The following RELL1 variants were observed in gnomAD, a reference collection of about 807,000 sequenced individuals.
The protein encoded by RELL1 is RELT like 1, also known as RELT-like protein 1.
A neutral mutation model predicts 23.0 loss-of-function variants in RELL1; 10 were observed. That is an observed-to-expected ratio of 0.43 (90% CI 0.27 to 0.74). The LOEUF is 0.74. Among genes scored for constraint, RELL1 ranks in the 30% least tolerant of loss-of-function variants. RELL1 has a pLI of 0.19. For synonymous variants in RELL1, 146 were observed against 146.8 expected (o/e 0.99, Z 0.04); for missense variants, 315 against 364.4 (o/e 0.86, Z 1.10).
intron 6 of RELL1, among the ~76,000 whole-genome samples, chr4:37,592,185 G>C (rs1718644277): frequency 6.8e-6 from 1 of 148,066 alleles, no homozygotes; most frequent in Non-Finnish European, 1.5e-5. Context: ...CTCCAGCCTG[G>C]GTGACAGTGC....
At chr4:37,643,949 A>G (rs1236744874) in intron 3 of RELL1, among the ~76,000 whole-genome samples, 2 of 152,224 alleles carry the variant, frequency 1.3e-5, no homozygotes, top group Admixed American at 6.5e-5. Flanking sequence ...GATTGGAGTC[A>G]CCAGCTGTCC....
chr4:37,652,868 C>A lies in RELL1; in HGVS notation c.89-3368G>T, dbSNP rs575735176. Among the ~76,000 whole-genome samples the A allele has an allele frequency of 3.0e-3, 453 of 152,232 alleles. 1 individual carries two copies. The highest frequency in any genetic ancestry group is 4.5e-3 in the Non-Finnish European group (306 of 68,002). On this transcript the variant is annotated intron_variant, in intron 1 of 6. Transcript: ENST00000454158. ...TAAATTACAGGGAGAGGCAATATAG[C>A]ACTCAGATTAAAAGCTCAGACCTGG... is the stretch of plus-strand genomic sequence containing the variant.
chr4:37,605,846 G>GAAA (rs1560324808), downstream of RELL1, among the ~76,000 whole-genome samples: 6 of 101,512 alleles, frequency 5.9e-5, no homozygotes, highest in East Asian at 7.5e-4. Flanking sequence ...AAAGAAAGAA[G>GAAA]GAAAAGAAAA....
chr4:37,653,786 C>T (rs1022311948), intron 1 of RELL1, among the ~76,000 whole-genome samples: 4 of 152,178 alleles, frequency 2.6e-5, no homozygotes, highest in East Asian at 3.9e-4. Flanking sequence ...TTTCTTGGGG[C>T]ACTTGCTCTT....
intron 3 of RELL1, among the ~76,000 whole-genome samples, chr4:37,639,770 A>G (rs1720461219): frequency 6.6e-6 from 1 of 152,266 alleles, no homozygotes; most frequent in Admixed American, 6.5e-5. Flanking sequence ...TCTAGAGAGG[A>G]AAGAACAAAT....
intron 4 of RELL1, among the ~76,000 whole-genome samples, chr4:37,635,804 C>G (rs561316039): frequency 6.6e-6 from 1 of 152,190 alleles, no homozygotes; most frequent in Non-Finnish European, 1.5e-5. Context: ...GCCTATCACT[C>G]TAAGCAAAGA....
chr4:37,606,591 A>T (rs1719229244), downstream of RELL1, among the ~76,000 whole-genome samples: 1 of 152,250 alleles, frequency 6.6e-6, no homozygotes, highest in African/African-American at 2.4e-5. This position sits in a 1 kb window ranked among gnomAD's most constrained non-coding sequence, Gnocchi z 4.1. Flanking sequence ...AAGACACAGA[A>T]TGCCAGAATT....
chr4:37,600,269 CAAA>C (rs33929317), intron 6 of RELL1, among the ~76,000 whole-genome samples: 9 of 111,396 alleles, frequency 8.1e-5, no homozygotes, highest in Admixed American at 1.9e-4. Context: ...GACTCCATCT[CAAA>C]AAAAAAAAAA....
chr4:37,604,243 G>A (rs141876310), intron 6 of RELL1, among the ~76,000 whole-genome samples: 329 of 152,268 alleles, frequency 2.2e-3, no homozygotes, highest in African/African-American at 7.4e-3. Flanking sequence ...ATGAAAGCCA[G>A]TTAGTGACCA....
intron 1 of RELL1, among the ~76,000 whole-genome samples, chr4:37,668,654 G>A (rs1721632808): frequency 6.6e-6 from 1 of 152,066 alleles, no homozygotes; most frequent in South Asian, 2.1e-4. Context: ...TGGGAAGTGA[G>A]GAGCGTCTCT....
intron 6 of RELL1, among the ~76,000 whole-genome samples, chr4:37,619,780 A>G (rs967800483): frequency 3.3e-5 from 5 of 152,148 alleles, no homozygotes; most frequent in Non-Finnish European, 7.3e-5. Context: ...TATGTTGCCC[A>G]GGCTGGTCTC....
intron 1 of RELL1, among the ~76,000 whole-genome samples, chr4:37,665,789 G>T (rs1721511456): frequency 6.6e-6 from 1 of 152,234 alleles, no homozygotes; most frequent in East Asian, 1.9e-4. Flanking sequence ...CTTACAGAGA[G>T]CTGGTGCAGG....
At chr4:37,604,742 G>C (rs1719106555) in intron 6 of RELL1, among the ~76,000 whole-genome samples, 2 of 147,074 alleles carry the variant, frequency 1.4e-5, no homozygotes, top group East Asian at 2.0e-4. Context: ...ACAGAATACT[G>C]TAAGGCTAAA....
At chr4:37,675,771 G>A (rs1267814303) in intron 1 of RELL1, among the ~76,000 whole-genome samples, 1 of 152,152 alleles carries the variant, frequency 6.6e-6, no homozygotes, top group African/African-American at 2.4e-5. Context: ...GAAGAGGAGA[G>A]GGGATTCCAT....
chr4:37,681,402 A>C (rs899557752), intron 1 of RELL1, among the ~76,000 whole-genome samples: 1 of 152,212 alleles, frequency 6.6e-6, no homozygotes. Context: ...ACAAGAGCTC[A>C]GTAAGACAGA....
At position 37,647,383 on chromosome 4, in the gene RELL1, T is replaced by C. The variant is rs771199308; in HGVS notation, c.370A>G (p.Ile124Val). Reference protein sequence around the residue: ...SDTVGQIVHYIMKNEANADVL... With the variant: ...SDTVGQIVHYVMKNEANADVL... The stretch of plus-strand genomic sequence containing the variant: ...ATGTTCACACCTTCATTTTTCATGA[T>C]GTAGTGGACGATTTGCCCAACAGTG... The change falls in exon 3 of 7, where the codon ATC (isoleucine) becomes GTC (valine). Residue 124 changes from isoleucine (I) to valine (V), a missense_variant. Ile to Val is a conservative substitution (Grantham distance 29). Coordinates refer to ENST00000454158, the MANE Select transcript of RELL1 (RefSeq NM_001085400.2). 22 of 1,612,016 alleles carry C rather than the reference T, an allele frequency of 1.4e-5. No individual in the cohort carries two copies. The highest frequency in any genetic ancestry group is 3.3e-5 in the Admixed American group (2 of 60,018).
intron 6 of RELL1, among the ~76,000 whole-genome samples, chr4:37,624,571 C>T (rs1451895945): frequency 1.3e-5 from 2 of 151,802 alleles, no homozygotes; most frequent in Admixed American, 6.6e-5. Context: ...CTACAGGCAC[C>T]CGCCACCACG....
At chr4:37,627,953 C>T (rs766694433) in intron 6 of RELL1, among the ~76,000 whole-genome samples, 94 of 152,138 alleles carry the variant, frequency 6.2e-4, no homozygotes, top group Non-Finnish European at 9.0e-4. Flanking sequence ...ACCAGAGAGT[C>T]TGGCCCAGAA....
At chr4:37,609,729 T>A (rs1429265594), downstream of RELL1, among the ~76,000 whole-genome samples, 8 of 152,310 alleles carry the variant, frequency 5.3e-5, no homozygotes, top group Admixed American at 5.2e-4. Context: ...GTGGAGGAAG[T>A]CACTGCAGAT....
Sources: gnomAD v4.1 joint callset for allele counts (sites outside exome capture counted in the v4.1 genomes callset) on GRCh38, gnomAD v4.1.1 for gene constraint, Gnocchi (gnomAD v3.1) non-coding constraint, MANE v1.5 for transcripts, NCBI Gene and HGNC (gene_info 2026-07-23, HGNC 2026-07-21) for gene names.